Variants in STRN3 observed in about 807,000 individuals in gnomAD.
STRN3 encodes striatin 3, also known as striatin-3.
A neutral mutation model predicts 95.6 loss-of-function variants in STRN3; 29 were observed. The observed-to-expected ratio is 0.30, with a 90% CI of 0.23 to 0.41. The LOEUF is 0.41. STRN3 is among the 10% of genes least tolerant of loss of function. The pLI is 1.00. For missense variants in STRN3, 890 were observed against 972.1 expected (o/e 0.92, Z 1.12); for synonymous variants, 331 against 357.6 (o/e 0.93, Z 0.84).
At chr14:30,988,698 G>T (rs942956142) in intron 1 of STRN3, among the ~76,000 whole-genome samples, 5 of 152,134 alleles carry the variant, frequency 3.3e-5, no homozygotes, top group Non-Finnish European at 7.3e-5. Context: ...TGTCCTAACA[G>T]GCTATTTTCA....
intron 6 of STRN3, 134 bp downstream of exon 6, chr14:30,936,361 A>G (rs1331015213): frequency 1.0e-6 from 1 of 990,370 alleles, no homozygotes; most frequent in African/African-American, 1.6e-5. Flanking sequence ...AAAAGAGCTG[A>G]CCACATAAAA....
intron 1 of STRN3, among the ~76,000 whole-genome samples, chr14:31,003,812 A>AAAAC: frequency 6.8e-6 from 1 of 147,796 alleles, no homozygotes; most frequent in African/African-American, 2.4e-5. Flanking sequence ...AAAAAAAAAA[A>AAAAC]AAAAACTTGG....
intron 1 of STRN3, among the ~76,000 whole-genome samples, chr14:31,002,136 A>G (rs1395469190): frequency 8.3e-6 from 1 of 120,744 alleles, no homozygotes; most frequent in Non-Finnish European, 1.7e-5. Flanking sequence ...ATTGCACTCC[A>G]GCCTGGGCAA....
intron 8 of STRN3, among the ~76,000 whole-genome samples, chr14:30,925,976 CATG>C (rs1251819999): frequency 6.6e-6 from 1 of 151,906 alleles, no homozygotes; most frequent in Non-Finnish European, 1.5e-5. Flanking sequence ...TTAGTATTAA[CATG>C]ATGAGCTATT....
In STRN3 at chr14:30,895,535, CAT is replaced by C. The variant is rs746671686; in HGVS notation, c.2268_2269del (p.Val758AlafsTer12). 4.3e-6 allele frequency: 7 copies of C among 1,614,116 alleles called. No homozygotes were observed. The highest frequency in any genetic ancestry group is 1.3e-5 in the African/African-American group (1 of 75,060). On this transcript the variant is annotated frameshift_variant, in exon 18 of 18. Transcript: ENST00000357479. LOFTEE classifies it high-confidence loss of function. Reference sequence around the variant, plus strand: ...TCTGTGAGCTGTTATTTCTTGCACACATGTCTTGCTGTCTAAATTCCATAATC... The same window carrying C: ...TCTGTGAGCTGTTATTTCTTGCACACGTCTTGCTGTCTAAATTCCATAATC...
chr14:30,947,564 A>G (rs938743728), intron 4 of STRN3, among the ~76,000 whole-genome samples: 5 of 152,002 alleles, frequency 3.3e-5, no homozygotes, highest in African/African-American at 9.7e-5. Flanking sequence ...CACATTTTTA[A>G]ATTTCCATAC....
chr14:30,989,737 C>T (rs570541849), intron 1 of STRN3, among the ~76,000 whole-genome samples: 3 of 152,218 alleles, frequency 2.0e-5, no homozygotes, highest in South Asian at 2.1e-4. Flanking sequence ...GGATTACAGG[C>T]GTGAGCCACC....
intron 8 of STRN3, among the ~76,000 whole-genome samples, chr14:30,926,526 C>T (rs1225690677): frequency 1.3e-5 from 2 of 151,580 alleles, no homozygotes; most frequent in Non-Finnish European, 2.9e-5. Flanking sequence ...CTTTATATTC[C>T]TACTTCTTAT....
chr14:30,895,635 T>A (rs1188522296), intron 17 of STRN3, 27 bp downstream of exon 17: 4 of 1,611,500 alleles, frequency 2.5e-6, no homozygotes, highest in Non-Finnish European at 3.4e-6. Flanking sequence ...ATAAAGTTTG[T>A]GGGCAGTACA....
At chr14:31,001,074 G>A (rs1882428347) in intron 1 of STRN3, among the ~76,000 whole-genome samples, 1 of 152,186 alleles carries the variant, frequency 6.6e-6, no homozygotes, top group Non-Finnish European at 1.5e-5. Flanking sequence ...AGAGTACCTA[G>A]CTGTGTTGGA....
chr14:30,896,555 G>GAAAGA (rs1283329151), intron 16 of STRN3, among the ~76,000 whole-genome samples: 1 of 114,478 alleles, frequency 8.7e-6, no homozygotes, highest in African/African-American at 3.3e-5. Flanking sequence ...GAAAAGAGAA[G>GAAAGA]AAAGAAAAGA....
Position 30,919,013 on chromosome 14 carries a change from G to A in STRN3, c.1193C>T (p.Ser398Leu). The A allele has an allele frequency of 6.2e-7, 1 of 1,612,218 alleles. No individual in the cohort carries two copies. Among genetic ancestry groups the A allele is most frequent in the Non-Finnish European group, 8.5e-7 (1 of 1,178,942 alleles). Residue 398 changes from serine to leucine, a missense_variant, in exon 9 of 18, where the codon TCA becomes TTA. This residue lies in a region of STRN3 where 526 missense variants were observed against 526.3 expected (regional missense o/e 1.00). Transcript: ENST00000357479. ...IPSGIINQSR[S>L]ASTRMTDHEG... is the part of the protein sequence containing the mutation. ...ATGATCAGTCATTCTAGTAGAGGCTGACCTAGACTGATTAATGATTCCTGA... is the reference window on the plus strand; with the variant it reads ...ATGATCAGTCATTCTAGTAGAGGCTAACCTAGACTGATTAATGATTCCTGA...
At position 30,894,939 on chromosome 14, in the gene STRN3, G is replaced by A. The variant is rs1280727857; in HGVS notation, c.*472C>T. Reference sequence around the variant, plus strand: ...AAAATAAGTTTAAAAGGGAATCTGTGGCATTCAACCGATAAACAGAAGATC... The same window carrying A: ...AAAATAAGTTTAAAAGGGAATCTGTAGCATTCAACCGATAAACAGAAGATC... On this transcript the variant is annotated 3_prime_UTR_variant, in exon 18 of 18. Coordinates refer to ENST00000357479, the MANE Select transcript of STRN3 (RefSeq NM_001083893.2). The A allele has an allele frequency of 1.3e-5, 14 of 1,084,862 alleles. No homozygotes were observed. In the African/African-American group the frequency reaches 1.6e-4, roughly 13 times the overall value. The allele number at this position is 1,084,862 out of a possible 1,614,324, so 67.2% of individuals were successfully genotyped here.
chr14:30,923,551 T>A (rs1023742243), intron 8 of STRN3, among the ~76,000 whole-genome samples: 1 of 151,936 alleles, frequency 6.6e-6, no homozygotes, highest in African/African-American at 2.4e-5. Flanking sequence ...ATTAGGAAAA[T>A]TAAGATAAGT....
chr14:30,901,366 C>A (rs1896310117), intron 16 of STRN3, among the ~76,000 whole-genome samples: 1 of 152,042 alleles, frequency 6.6e-6, no homozygotes, highest in African/African-American at 2.4e-5. Flanking sequence ...TGTAAATATT[C>A]ACTTTGTCTG....
intron 8 of STRN3, among the ~76,000 whole-genome samples, chr14:30,923,421 G>A (rs889901924): frequency 6.6e-6 from 1 of 152,088 alleles, no homozygotes; most frequent in Non-Finnish European, 1.5e-5. Context: ...CAAATGTATT[G>A]ATAATCAGGC....
chr14:30,941,629 T>G (rs968904378), intron 5 of STRN3, among the ~76,000 whole-genome samples: 1 of 149,160 alleles, frequency 6.7e-6, no homozygotes. Context: ...CTTCTTAAAC[T>G]TTTTTTTTCC....
In STRN3 at chr14:30,905,330, A is replaced by G. The variant is rs932593752; in HGVS notation, c.2029+88T>C. ...TTATTTTGCCATCCTAAATTCAAAT[A>G]GTGAAAATATGAAAATTAGCTAAAA... On this transcript the variant is annotated intron_variant, in intron 15 of 17. Coordinates refer to ENST00000357479, the MANE Select transcript of STRN3 (RefSeq NM_001083893.2). The G allele has an allele frequency of 3.9e-6, 5 of 1,271,346 alleles. No individual in the cohort carries two copies. In the African/African-American group the frequency reaches 7.8e-5, roughly 20 times the overall value. The allele number at this position is 1,271,346 out of a possible 1,614,324, so 78.8% of individuals were successfully genotyped here.
At chr14:31,019,602 A>C (rs1224424934) in intron 1 of STRN3, among the ~76,000 whole-genome samples, 1 of 152,198 alleles carries the variant, frequency 6.6e-6, no homozygotes, top group Admixed American at 6.5e-5. Context: ...TGGCAGGAGG[A>C]GTACTCTGAA....
Sources: gnomAD v4.1 joint callset for allele counts (sites outside exome capture counted in the v4.1 genomes callset) on GRCh38, gnomAD v4.1.1 for gene constraint, gnomAD v4.1.1 regional missense constraint, MANE v1.5 for transcripts, NCBI Gene and HGNC (gene_info 2026-07-23, HGNC 2026-07-21) for gene names.